The following PDE1C variants were observed in gnomAD, a reference collection of about 807,000 sequenced individuals.
PDE1C encodes the protein phosphodiesterase 1C.
A neutral mutation model predicts 93.1 loss-of-function variants in PDE1C; 62 were observed. That is an observed-to-expected ratio of 0.67 (90% CI 0.54 to 0.82). PDE1C has a LOEUF of 0.82. Ranked by LOEUF, PDE1C falls within the 40% of genes least tolerant of loss-of-function variation. The pLI is 0.00. For synonymous variants in PDE1C, 325 were observed against 310.1 expected (o/e 1.05, Z -0.50); for missense variants, 742 against 884.6 (o/e 0.84, Z 2.04).
rs201741291 is a variant in PDE1C, at chr7:31,753,069, A to AT, written c.*314dup. 0.01 allele frequency: 1,796 copies of AT among 177,836 alleles called. 25 individuals are homozygous for AT. The highest frequency in any genetic ancestry group is 0.034 in the African/African-American group (1,454 of 42,488). 11.0% of individuals were successfully genotyped at this position (177,836 alleles called of 1,614,324 possible). A position where few individuals can be genotyped will look rare whatever the true frequency, so the allele number is the denominator to read the frequency against. On this transcript the variant is annotated 3_prime_UTR_variant, in exon 18 of 18. Transcript: ENST00000396191. ...AAAAAGTGGCAATGAGAGGAATTTT[A>AT]TTTTTTTTTAAGTTTGTGTCATTTT...
intron 1 of PDE1C, among the ~76,000 whole-genome samples, chr7:32,422,693 C>A (rs1185421475): frequency 6.6e-6 from 1 of 152,216 alleles, no homozygotes. Context: ...CAGCACATAC[C>A]AATCTTTAAA....
the PDE1C span, among the ~76,000 whole-genome samples, chr7:31,659,223 C>T: frequency 6.6e-6 from 1 of 152,154 alleles, no homozygotes; most frequent in East Asian, 1.9e-4. Context: ...CATGGATAGG[C>T]ATTTGTCAAA....
At chr7:32,348,909 G>C (rs553318680) in intron 1 of PDE1C, among the ~76,000 whole-genome samples, 2 of 152,226 alleles carry the variant, frequency 1.3e-5, no homozygotes, top group Admixed American at 1.3e-4. Flanking sequence ...ACCAAGAACT[G>C]GTTACTGCTT....
intron 2 of PDE1C, among the ~76,000 whole-genome samples, chr7:31,993,588 G>A (rs1349052990): frequency 2.6e-5 from 4 of 152,098 alleles, no homozygotes; most frequent in Non-Finnish European, 5.9e-5. Flanking sequence ...AAAAGGCTTG[G>A]GTGTGGAAAA....
At chr7:31,943,140 C>T (rs1806078932) in intron 2 of PDE1C, among the ~76,000 whole-genome samples, 1 of 152,102 alleles carries the variant, frequency 6.6e-6, no homozygotes, top group African/African-American at 2.4e-5. Context: ...AGACCTTGTC[C>T]TTTGGCAGTT....
intron 2 of PDE1C, among the ~76,000 whole-genome samples, chr7:31,967,149 C>A (rs1408510108): frequency 6.6e-6 from 1 of 152,094 alleles, no homozygotes; most frequent in Non-Finnish European, 1.5e-5. Context: ...AAAAACCCTT[C>A]AAAAAATCAA....
the PDE1C span, among the ~76,000 whole-genome samples, chr7:31,688,599 A>G: frequency 6.6e-6 from 1 of 152,362 alleles, no homozygotes; most frequent in Admixed American, 6.5e-5. Context: ...GACCTTTGTC[A>G]TTAACAATCC....
chr7:31,652,607 A>G, the PDE1C span: 4 of 1,613,436 alleles, frequency 2.5e-6, no homozygotes, highest in East Asian at 6.7e-5. Context: ...GGCAGACTTC[A>G]TGTTCTAAAA....
At chr7:32,155,296 C>A (rs1303180081) in intron 3 of PDE1C, among the ~76,000 whole-genome samples, 1 of 152,178 alleles carries the variant, frequency 6.6e-6, no homozygotes, top group East Asian at 1.9e-4. Flanking sequence ...CTCAGTTTCT[C>A]CATCTGTGAA....
intron 7 of PDE1C, among the ~76,000 whole-genome samples, chr7:31,860,675 T>C (rs575087407): frequency 9.2e-5 from 14 of 152,314 alleles, no homozygotes; most frequent in Admixed American, 2.0e-4. Context: ...TTGTTTATGA[T>C]GCTTTTTATC....
intron 17 of PDE1C, among the ~76,000 whole-genome samples, chr7:31,767,218 ATTG>A (rs1758393491): frequency 6.6e-6 from 1 of 151,780 alleles, no homozygotes; most frequent in African/African-American, 2.4e-5. Flanking sequence ...CTCTTCGTTT[ATTG>A]TTGTTCATTT....
intron 1 of PDE1C, among the ~76,000 whole-genome samples, chr7:32,364,280 T>C (rs901789479): frequency 6.6e-6 from 1 of 152,178 alleles, no homozygotes; most frequent in Non-Finnish European, 1.5e-5. Context: ...AGCAAAAGGC[T>C]GACTAGAGGT....
rs1799785051 is a variant in PDE1C at position 32,129,316 on chromosome 7, T to C, written c.308+40469A>G. On this transcript the variant is annotated intron_variant, in intron 3 of 18. Transcript: ENST00000396193. ...ATCAGGCAGAGTAATCCCACTTTTA[T>C]TTGTTTTTGAGAAAACATACACAAA... 2.0e-5 allele frequency among the ~76,000 whole-genome samples: 3 copies of C among 149,204 alleles called. 1 individual carries two copies. Among genetic ancestry groups the C allele is most frequent in the African/African-American group, 7.6e-5 (3 of 39,472 alleles).
At chr7:31,740,544 T>C in the PDE1C span, among the ~76,000 whole-genome samples, 1 of 152,236 alleles carries the variant, frequency 6.6e-6, no homozygotes, top group African/African-American at 2.4e-5. Flanking sequence ...CTATTTAAGC[T>C]GTCAGAATGC....
chr7:32,363,623 G>A (rs931634465), intron 1 of PDE1C, among the ~76,000 whole-genome samples: 1 of 152,182 alleles, frequency 6.6e-6, no homozygotes, highest in Admixed American at 6.5e-5. Flanking sequence ...TTAACAAATG[G>A]ATCAGAATGA....
intron 16 of PDE1C, among the ~76,000 whole-genome samples, chr7:31,792,413 G>A (rs1784690732): frequency 6.6e-6 from 1 of 152,054 alleles, no homozygotes; most frequent in African/African-American, 2.4e-5. Flanking sequence ...AAGGTGTGGT[G>A]ATGAATAGGA....
the PDE1C span, among the ~76,000 whole-genome samples, chr7:31,720,117 T>G: frequency 1.5e-5 from 2 of 131,498 alleles, no homozygotes. Context: ...GAGCCGAGAT[T>G]GCGCCACTGC....
At chr7:32,145,522 A>T (rs1019864029) in intron 3 of PDE1C, among the ~76,000 whole-genome samples, 1 of 152,174 alleles carries the variant, frequency 6.6e-6, no homozygotes, top group Non-Finnish European at 1.5e-5. Flanking sequence ...GTTTTTTCAC[A>T]TCTACTTATT....
intron 3 of PDE1C, among the ~76,000 whole-genome samples, chr7:32,166,142 T>C (rs1802254362): frequency 6.6e-6 from 1 of 152,190 alleles, no homozygotes; most frequent in Non-Finnish European, 1.5e-5. Context: ...CAAAACATCA[T>C]ATTATTTTAC....
Sources: allele counts gnomAD v4.1 joint callset (sites outside exome capture counted in the v4.1 genomes callset), GRCh38; gene constraint gnomAD v4.1.1; transcripts MANE v1.5; gene names NCBI Gene and HGNC (gene_info 2026-07-23, HGNC 2026-07-21).